The following EPB41L5 variants were observed in gnomAD, a reference collection of about 807,000 sequenced individuals.
EPB41L5 encodes the protein band 4.1-like protein 5.
A neutral mutation model predicts 106.6 loss-of-function variants in EPB41L5; 55 were observed. The ratio of observed to expected loss-of-function variants is 0.52; its 90% CI spans 0.42 to 0.65. The LOEUF is 0.65. Among genes scored for constraint, EPB41L5 ranks in the 30% least tolerant of loss-of-function variants. The probability of loss-of-function intolerance (pLI) is 0.00; values close to 1 mark genes in which losing one functional copy is unlikely to be tolerated. For missense variants in EPB41L5, 871 were observed against 882.1 expected, an observed-to-expected ratio of 0.99 and a Z score of 0.16; for synonymous variants, 297 against 306.7, an observed-to-expected ratio of 0.97 and a Z score of 0.33.
intron 17 of EPB41L5, among the ~76,000 whole-genome samples, chr2:120,128,256 AACACACACACACAC>A (rs3084679): frequency 1.4e-5 from 2 of 145,348 alleles, no homozygotes; most frequent in African/African-American, 2.6e-5. Flanking sequence ...GGTGCTTTAA[AACACACACACACAC>A]ACACACACAC....
intron 13 of EPB41L5, among the ~76,000 whole-genome samples, chr2:120,092,692 G>C (rs562983006): frequency 6.6e-6 from 1 of 152,254 alleles, no homozygotes; most frequent in Non-Finnish European, 1.5e-5. Flanking sequence ...ATACTCATAA[G>C]TTTTGGTGTG....
chr2:120,096,468 A>G (rs1683762402), intron 14 of EPB41L5, among the ~76,000 whole-genome samples: 1 of 152,042 alleles, frequency 6.6e-6, no homozygotes, highest in African/African-American at 2.4e-5. Context: ...TTTTTCTTGG[A>G]TTTATTTATA....
intron 10 of EPB41L5, 113 bp downstream of exon 10, chr2:120,078,694 T>C: frequency 1.6e-6 from 1 of 621,860 alleles, no homozygotes; most frequent in Non-Finnish European, 2.8e-6. Context: ...AACTTGTCAA[T>C]GAAAGCAACT....
chr2:120,074,144 T>C lies in EPB41L5; in HGVS notation c.373T>C (p.Ser125Pro). The change falls in exon 5 of 25, where the codon TCA becomes CCA. Residue 125 changes from serine (S) to proline (P), a missense_variant. Physicochemically the swap from Ser to Pro is moderately conservative, Grantham distance 74 (BLOSUM62 -1). Transcript: ENST00000263713. ...CLHLRVKFYS[S>P]EPNNLREELT... ...GCATCTTCGAGTTAAGTTTTATTCCTCAGAACCAAATAACCTTCGTGAGGA... is the reference window on the plus strand; with the variant it reads ...GCATCTTCGAGTTAAGTTTTATTCCCCAGAACCAAATAACCTTCGTGAGGA... The C allele has an allele frequency of 6.2e-6, 10 of 1,613,142 alleles. No individual in the cohort carries two copies. The highest frequency in any genetic ancestry group is 7.6e-6 in the Non-Finnish European group (9 of 1,179,524).
chr2:120,129,056 T>A (rs1423579217), intron 17 of EPB41L5, among the ~76,000 whole-genome samples: 1 of 152,172 alleles, frequency 6.6e-6, no homozygotes, highest in Non-Finnish European at 1.5e-5. Context: ...GGGAAAGGGC[T>A]GAAAAACTTC....
intron 20 of EPB41L5, among the ~76,000 whole-genome samples, chr2:120,148,134 G>T (rs1380021887): frequency 6.6e-6 from 1 of 151,996 alleles, no homozygotes; most frequent in Admixed American, 6.6e-5. Flanking sequence ...TACCATAATA[G>T]ATTTAGATCA....
chr2:120,122,558 A>G, intron 16 of EPB41L5, among the ~76,000 whole-genome samples: 1 of 152,312 alleles, frequency 6.6e-6, no homozygotes, highest in South Asian at 2.1e-4. Flanking sequence ...TACCAGTACC[A>G]TGCTGTTTTG....
intron 16 of EPB41L5, among the ~76,000 whole-genome samples, chr2:120,115,612 G>A (rs756038921): frequency 3.3e-5 from 5 of 151,710 alleles, no homozygotes; most frequent in African/African-American, 4.8e-5. Context: ...GGCTGGTCTC[G>A]AACTCCTGAC....
chr2:120,062,335 A>T (rs976082277), intron 3 of EPB41L5, among the ~76,000 whole-genome samples: 1 of 152,170 alleles, frequency 6.6e-6, no homozygotes, highest in South Asian at 2.1e-4. Context: ...TTGAAGGAGT[A>T]AGTCTAGAAA....
intron 2 of EPB41L5, among the ~76,000 whole-genome samples, chr2:120,038,461 G>A (rs945055013): frequency 6.6e-6 from 1 of 152,188 alleles, no homozygotes; most frequent in African/African-American, 2.4e-5. Flanking sequence ...GTAGAAAACA[G>A]TTTGACAGTT....
At chr2:120,115,724 A>G (rs903345576) in intron 16 of EPB41L5, among the ~76,000 whole-genome samples, 2 of 151,782 alleles carry the variant, frequency 1.3e-5, no homozygotes, top group African/African-American at 4.8e-5. Flanking sequence ...CTTAATGGTT[A>G]CCCTGGGGAT....
chr2:120,152,825 T>C (rs1686738114), intron 20 of EPB41L5, among the ~76,000 whole-genome samples: 1 of 152,262 alleles, frequency 6.6e-6, no homozygotes, highest in South Asian at 2.1e-4. Context: ...AAGTCAGTTT[T>C]GGTAATTTGT....
At chr2:120,098,924 A>G (rs956536673) in intron 14 of EPB41L5, among the ~76,000 whole-genome samples, 4 of 152,252 alleles carry the variant, frequency 2.6e-5, no homozygotes, top group African/African-American at 7.2e-5. Context: ...GTAGAATGAC[A>G]TGTTGGCTGG....
chr2:120,151,730 C>T (rs936220000), intron 20 of EPB41L5, among the ~76,000 whole-genome samples: 1 of 151,864 alleles, frequency 6.6e-6, no homozygotes, highest in Admixed American at 6.6e-5. Flanking sequence ...GATTCTCCTG[C>T]CTCACCCTCC....
chr2:120,076,342 C>T (rs745445328), intron 7 of EPB41L5, among the ~76,000 whole-genome samples: 2 of 151,850 alleles, frequency 1.3e-5, no homozygotes, highest in African/African-American at 2.4e-5. Context: ...CAGGGTCTCA[C>T]TCTTGTCCCC....
At chr2:120,161,806 T>C (rs1247196098) in intron 21 of EPB41L5, among the ~76,000 whole-genome samples, 1 of 152,178 alleles carries the variant, frequency 6.6e-6, no homozygotes, top group East Asian at 1.9e-4. Flanking sequence ...CAAACCCTAC[T>C]GTGAACTGTG....
At chr2:120,151,243 T>C (rs915343960) in intron 20 of EPB41L5, among the ~76,000 whole-genome samples, 3 of 151,808 alleles carry the variant, frequency 2.0e-5, no homozygotes, top group Non-Finnish European at 4.4e-5. Flanking sequence ...GAGCTTGCAG[T>C]GAGCCGAGAT....
intron 2 of EPB41L5, among the ~76,000 whole-genome samples, chr2:120,033,860 G>T (rs1292666025): frequency 2.0e-5 from 3 of 152,152 alleles, no homozygotes. Context: ...TTGGGAGGCT[G>T]AGGTGGGAGG....
At position 120,036,687 on chromosome 2, in the gene EPB41L5, AACTT is replaced by A. The variant is rs142741431; in HGVS notation, c.181-5313_181-5310del. ...ATTAACAACATGAAACAAGAACAAA[AACTT>A]ACTTAATAGGACCAAAGGAAAATAC... On this transcript the variant is annotated intron_variant, in intron 2 of 24. Transcript: ENST00000263713. 1.9e-3 allele frequency among the ~76,000 whole-genome samples: 291 copies of A among 152,308 alleles called. 1 individual carries two copies. The highest frequency in any genetic ancestry group is 3.2e-3 in the African/African-American group (132 of 41,584).
Sources: allele counts gnomAD v4.1 joint callset (sites outside exome capture counted in the v4.1 genomes callset), GRCh38; gene constraint gnomAD v4.1.1; transcripts MANE v1.5; gene names NCBI Gene and HGNC (gene_info 2026-07-23, HGNC 2026-07-21).